The following NLK variants were observed in gnomAD, a reference collection of about 807,000 sequenced individuals.
NLK encodes the protein nemo like kinase.
In NLK, 11 loss-of-function variants were observed where a neutral mutation model predicts 59.0. The observed-to-expected ratio is 0.19, with a 90% CI of 0.12 to 0.31. NLK has a LOEUF of 0.31. NLK is among the 10% of genes least tolerant of loss of function. The probability of loss-of-function intolerance (pLI) is 1.00; values close to 1 mark genes in which losing one functional copy is unlikely to be tolerated. For synonymous variants in NLK, 235 were observed against 235.9 expected (o/e 1.00, Z 0.03); for missense variants, 410 against 661.1 (o/e 0.62, Z 4.16).
intron 1 of NLK, among the ~76,000 whole-genome samples, chr17:28,069,764 T>C (rs1298364068): frequency 6.6e-6 from 1 of 152,204 alleles, no homozygotes; most frequent in Non-Finnish European, 1.5e-5. Flanking sequence ...AGGAGTCTTA[T>C]TTCTTTTTCT....
intron 7 of NLK, among the ~76,000 whole-genome samples, chr17:28,184,806 G>A (rs1909052181): frequency 1.3e-5 from 2 of 152,136 alleles, no homozygotes; most frequent in African/African-American, 2.4e-5. Context: ...AATTACCCAA[G>A]CGTGATGGCA....
chr17:28,107,324 ACTC>A (rs1905225681), intron 1 of NLK, among the ~76,000 whole-genome samples: 1 of 151,886 alleles, frequency 6.6e-6, no homozygotes, highest in East Asian at 1.9e-4. Context: ...AATCCCAGCT[ACTC>A]GGGAGGCTGA....
intron 3 of NLK, among the ~76,000 whole-genome samples, chr17:28,154,258 G>A (rs923620723): frequency 2.0e-5 from 3 of 152,120 alleles, no homozygotes; most frequent in African/African-American, 4.8e-5. Flanking sequence ...CCTAAACATC[G>A]GATTGGTTGC....
chr17:28,075,161 G>A (rs1344738558), intron 1 of NLK, among the ~76,000 whole-genome samples: 1 of 152,168 alleles, frequency 6.6e-6, no homozygotes, highest in African/African-American at 2.4e-5. Flanking sequence ...TATGTGATCT[G>A]GCAGACAAAT....
chr17:28,142,097 C>T (rs1366351085), intron 3 of NLK, among the ~76,000 whole-genome samples: 5 of 152,170 alleles, frequency 3.3e-5, no homozygotes, highest in African/African-American at 1.2e-4. Flanking sequence ...CTAGAATGCT[C>T]TTCTTGTTTT....
chr17:28,063,409 A>T (rs1909732048), intron 1 of NLK, among the ~76,000 whole-genome samples: 1 of 152,146 alleles, frequency 6.6e-6, no homozygotes, highest in African/African-American at 2.4e-5. Context: ...AAAATCGAGG[A>T]TGATTTATAT....
chr17:28,111,892 GTGTGGTGTGTGTGTGTGTGTGT>G (rs1905512600), intron 1 of NLK, among the ~76,000 whole-genome samples: 1 of 114,462 alleles, frequency 8.7e-6, no homozygotes, highest in African/African-American at 3.9e-5. Flanking sequence ...GTGTGTGTGT[GTGTGGTGTGTGTGTGTGTGTGT>G]GTGTGTGTGT....
chr17:28,201,002 A>G (rs775525000), downstream of NLK, among the ~76,000 whole-genome samples: 4 of 152,170 alleles, frequency 2.6e-5, no homozygotes, highest in Non-Finnish European at 5.9e-5. Flanking sequence ...TCAATTTGCC[A>G]TATTTGCATG....
chr17:28,101,639 C>G (rs889246508), intron 1 of NLK, among the ~76,000 whole-genome samples: 5 of 152,242 alleles, frequency 3.3e-5, no homozygotes, highest in Admixed American at 1.3e-4. Flanking sequence ...ACCTCATACC[C>G]TGGAACTTTG....
intron 1 of NLK, among the ~76,000 whole-genome samples, chr17:28,111,861 CGTGT>C (rs144479598): frequency 0.01 from 754 of 73,996 alleles, 29 homozygotes; most frequent in African/African-American, 0.034. Flanking sequence ...AGGCTTATAC[CGTGT>C]GTGTGTGTGT....
chr17:28,117,440 G>A (rs1054417886), intron 1 of NLK, among the ~76,000 whole-genome samples: 3 of 152,108 alleles, frequency 2.0e-5, no homozygotes, highest in Admixed American at 2.0e-4. Flanking sequence ...TCCATTATCA[G>A]TACTTTCAGG....
At chr17:28,127,202 G>A (rs923097212) in intron 2 of NLK, among the ~76,000 whole-genome samples, 2 of 152,120 alleles carry the variant, frequency 1.3e-5, no homozygotes, top group African/African-American at 4.8e-5. Flanking sequence ...AAATCTAAGG[G>A]CCTGGAGTGA....
intron 3 of NLK, among the ~76,000 whole-genome samples, chr17:28,133,161 A>G (rs1481215807): frequency 1.3e-5 from 2 of 152,228 alleles, no homozygotes; most frequent in Non-Finnish European, 2.9e-5. Context: ...CATAATAGCC[A>G]TTACTTATAT....
chr17:28,067,337 A>G (rs916746114), intron 1 of NLK, among the ~76,000 whole-genome samples: 1 of 152,164 alleles, frequency 6.6e-6, no homozygotes, highest in African/African-American at 2.4e-5. Context: ...ACATCTATTC[A>G]TTTATTGAAG....
At chr17:28,201,255 A>AT (rs1346820902), downstream of NLK, among the ~76,000 whole-genome samples, 2 of 151,182 alleles carry the variant, frequency 1.3e-5, no homozygotes, top group Non-Finnish European at 2.9e-5. Context: ...TAATTTTTGT[A>AT]TTTTTTTAGT....
In NLK at chr17:28,156,867, G is replaced by A. The variant is rs111902492; in HGVS notation, c.645-4293G>A. ...TCAGTCTCACACTCATCCTTTTCAAGTGGTTTTACCAGCCATCGATGGTGC... is the reference window on the plus strand; with the variant it reads ...TCAGTCTCACACTCATCCTTTTCAAATGGTTTTACCAGCCATCGATGGTGC... On this transcript the variant is annotated intron_variant, in intron 3 of 10. Coordinates refer to ENST00000407008, the MANE Select transcript of NLK (RefSeq NM_016231.5). 8.9e-3 allele frequency among the ~76,000 whole-genome samples: 1,360 copies of A among 152,310 alleles called. 20 individuals are homozygous for A. The highest frequency in any genetic ancestry group is 0.03 in the African/African-American group (1,252 of 41,566).
chr17:28,183,889 A>C (rs977930312), intron 7 of NLK, among the ~76,000 whole-genome samples: 8 of 152,222 alleles, frequency 5.3e-5, no homozygotes, highest in Non-Finnish European at 1.2e-4. Flanking sequence ...TGGGAAGAAA[A>C]GGAGTCTCTA....
the NLK span, among the ~76,000 whole-genome samples, chr17:28,205,076 C>G: frequency 1.3e-5 from 2 of 152,168 alleles, no homozygotes; most frequent in Non-Finnish European, 2.9e-5. Context: ...ATTCATGGAG[C>G]TGGAGATCCC....
intron 1 of NLK, among the ~76,000 whole-genome samples, chr17:28,120,057 T>C (rs1214268116): frequency 6.6e-6 from 1 of 152,166 alleles, no homozygotes; most frequent in Non-Finnish European, 1.5e-5. Context: ...TGATCTGAAG[T>C]TTTCCCTTTT....
Sources: allele counts gnomAD v4.1 joint callset (sites outside exome capture counted in the v4.1 genomes callset), GRCh38; gene constraint gnomAD v4.1.1; transcripts MANE v1.5; gene names NCBI Gene and HGNC (gene_info 2026-07-23, HGNC 2026-07-21).